Variants in CNTNAP2 observed in about 807,000 individuals in gnomAD.
The protein encoded by CNTNAP2 is contactin associated protein 2.
In CNTNAP2, 98 loss-of-function variants were observed where a neutral mutation model predicts 155.2. The ratio of observed to expected loss-of-function variants is 0.63; its 90% confidence interval spans 0.54 to 0.75. The LOEUF is 0.75. Among genes scored for constraint, CNTNAP2 ranks in the 30% least tolerant of loss-of-function variants. CNTNAP2 has a pLI of 0.00. For synonymous variants in CNTNAP2, 651 were observed against 631.2 expected (o/e 1.03, Z -0.47); for missense variants, 1,727 against 1,688.1 (o/e 1.02, Z -0.40).
intron 1 of CNTNAP2, among the ~76,000 whole-genome samples, chr7:146,651,930 G>C (rs1286001067): frequency 1.3e-5 from 2 of 152,064 alleles, no homozygotes; most frequent in Non-Finnish European, 1.5e-5. Context: ...CAATGGATGG[G>C]CTTATATTAT....
intron 1 of CNTNAP2, among the ~76,000 whole-genome samples, chr7:146,151,841 G>C (rs1184613569): frequency 6.7e-6 from 1 of 149,820 alleles, no homozygotes; most frequent in African/African-American, 2.4e-5. Flanking sequence ...ACTTAGAATA[G>C]CTATCATCAG....
chr7:146,514,152 T>C (rs754503767), intron 1 of CNTNAP2, among the ~76,000 whole-genome samples: 15 of 152,062 alleles, frequency 9.9e-5, no homozygotes, highest in Non-Finnish European at 7.4e-5. Flanking sequence ...CTTTCCACTT[T>C]AGGATTCTCT....
intron 12 of CNTNAP2, among the ~76,000 whole-genome samples, chr7:147,563,302 A>G (rs1290808619): frequency 1.3e-5 from 2 of 152,132 alleles, no homozygotes; most frequent in Non-Finnish European, 2.9e-5. Context: ...AAGTTATTGG[A>G]TGAAAAAATT....
rs146049422 is a variant in CNTNAP2, at chr7:148,396,455, C to A, written c.3715+12567C>A. ...AAATTATCCGCCATCACTTCTTTTA[C>A]GGCCTCATTTAAAAAGACAATTGTC... On this transcript the variant is annotated intron_variant, in intron 22 of 23. Transcript: ENST00000361727. Among the ~76,000 whole-genome samples the A allele has an allele frequency of 5.5e-3, 839 of 152,284 alleles. 7 individuals carry two copies. The highest frequency in any genetic ancestry group is 0.019 in the African/African-American group (797 of 41,564).
intron 3 of CNTNAP2, among the ~76,000 whole-genome samples, chr7:146,993,981 A>T (rs10272986): frequency 0.34 from 51,458 of 151,950 alleles, 8,948 homozygotes; most frequent in African/African-American, 0.41. Context: ...AACTACTGTG[A>T]ACCTAATAAA....
chr7:146,286,314 G>A (rs1036147860), intron 1 of CNTNAP2, among the ~76,000 whole-genome samples: 2 of 151,502 alleles, frequency 1.3e-5, no homozygotes, highest in South Asian at 2.1e-4. Context: ...AACTTTTGAT[G>A]TTTCATTGAT....
chr7:147,517,299 T>C (rs928832375), intron 11 of CNTNAP2, among the ~76,000 whole-genome samples: 8 of 152,200 alleles, frequency 5.3e-5, no homozygotes, highest in African/African-American at 1.9e-4. Context: ...CTCTGACTGT[T>C]AGGGTTAGGG....
intron 11 of CNTNAP2, among the ~76,000 whole-genome samples, chr7:147,537,849 A>G (rs1328322715): frequency 6.6e-6 from 1 of 152,208 alleles, no homozygotes; most frequent in African/African-American, 2.4e-5. Flanking sequence ...TGTGCTGACA[A>G]AAAGGGCTAT....
intron 18 of CNTNAP2, among the ~76,000 whole-genome samples, chr7:148,214,416 A>C (rs1795602186): frequency 1.3e-5 from 2 of 152,176 alleles, no homozygotes; most frequent in Admixed American, 6.5e-5. Flanking sequence ...CCACTGCTAG[A>C]TGGAAATCTT....
At chr7:146,970,683 C>T (rs111288439) in intron 3 of CNTNAP2, among the ~76,000 whole-genome samples, 10,451 of 152,020 alleles carry the variant, frequency 0.069, 502 homozygotes, top group African/African-American at 0.14. Context: ...ACTAGAAATA[C>T]CATTTGACCC....
intron 3 of CNTNAP2, among the ~76,000 whole-genome samples, chr7:146,973,071 C>T (rs972538765): frequency 1.3e-5 from 2 of 152,172 alleles, no homozygotes; most frequent in African/African-American, 4.8e-5. Flanking sequence ...TCTTGTTTCT[C>T]AGGCTGGAGT....
intron 1 of CNTNAP2, among the ~76,000 whole-genome samples, chr7:146,420,946 T>C (rs1526159): frequency 0.28 from 42,111 of 151,940 alleles, 6,031 homozygotes; most frequent in Admixed American, 0.41. Context: ...AATGCCCTGA[T>C]AGTCACATTT....
intron 23 of CNTNAP2, among the ~76,000 whole-genome samples, chr7:148,413,903 T>C (rs1050545933): frequency 1.3e-5 from 2 of 152,158 alleles, no homozygotes; most frequent in Non-Finnish European, 2.9e-5. Flanking sequence ...TTGCATATCT[T>C]TTCCCACCCT....
At chr7:146,397,104 T>C (rs1338402476) in intron 1 of CNTNAP2, among the ~76,000 whole-genome samples, 2 of 152,206 alleles carry the variant, frequency 1.3e-5, no homozygotes, top group Admixed American at 6.5e-5. Context: ...GATGGGCTAC[T>C]AGTTGTAGTT....
chr7:147,469,601 C>T (rs1476135479), intron 10 of CNTNAP2, among the ~76,000 whole-genome samples: 8 of 148,382 alleles, frequency 5.4e-5, no homozygotes, highest in Admixed American at 1.4e-4. Context: ...TCACTGCAAG[C>T]TCCGCCTCCC....
intron 9 of CNTNAP2, among the ~76,000 whole-genome samples, chr7:147,362,066 G>A (rs1796156550): frequency 6.6e-6 from 1 of 152,160 alleles, no homozygotes; most frequent in South Asian, 2.1e-4. Flanking sequence ...AGAGTCTCAG[G>A]CTGGTTAAGT....
intron 13 of CNTNAP2, among the ~76,000 whole-genome samples, chr7:147,887,811 A>C (rs2116726457): frequency 6.6e-6 from 1 of 152,348 alleles, no homozygotes; most frequent in Non-Finnish European, 1.5e-5. Context: ...TAATGTAAAA[A>C]TTTTGATTAT....
At chr7:146,959,713 C>CAAAAAAAAAAA (rs1176908836) in intron 3 of CNTNAP2, among the ~76,000 whole-genome samples, 6 of 90,378 alleles carry the variant, frequency 6.6e-5, no homozygotes, top group Non-Finnish European at 1.1e-4. Context: ...CAGCGAGTCT[C>CAAAAAAAAAAA]AAAAAAAAAA....
intron 1 of CNTNAP2, among the ~76,000 whole-genome samples, chr7:146,614,834 C>G (rs750955266): frequency 7.2e-5 from 11 of 152,074 alleles, no homozygotes; most frequent in Admixed American, 2.0e-4. Flanking sequence ...ATTATATAAA[C>G]CAGTGAATCG....
Sources: allele counts gnomAD v4.1 joint callset (sites outside exome capture counted in the v4.1 genomes callset), GRCh38; gene constraint gnomAD v4.1.1; transcripts MANE v1.5; gene names NCBI Gene and HGNC (gene_info 2026-07-23, HGNC 2026-07-21).